CNTN6: variants seen among roughly 807,000 people sequenced by gnomAD.
CNTN6 encodes the protein contactin-6.
CNTN6 carries 137 observed loss-of-function variants against 122.8 expected under a neutral mutation model. The observed-to-expected ratio is 1.12, with a 90% CI of 0.97 to 1.29. The LOEUF is 1.29. CNTN6 is among the 50% of genes most tolerant of loss of function. The pLI, the probability that CNTN6 is intolerant of heterozygous loss-of-function variation, is 0.00. For missense variants in CNTN6, 1,634 were observed against 1,223.4 expected, an observed-to-expected ratio of 1.34 and a Z score of -5.01; for synonymous variants, 570 against 426.0, an observed-to-expected ratio of 1.34 and a Z score of -4.16.
chr3:1,195,766 T>G (rs1462080981), intron 2 of CNTN6, among the ~76,000 whole-genome samples: 1 of 152,228 alleles, frequency 6.6e-6, no homozygotes, highest in African/African-American at 2.4e-5. Flanking sequence ...GTGGTTGACC[T>G]CATTCATTAT....
intron 1 of CNTN6, among the ~76,000 whole-genome samples, chr3:1,102,711 G>A (rs547803849): frequency 6.7e-6 from 1 of 148,744 alleles, no homozygotes; most frequent in East Asian, 2.0e-4. Flanking sequence ...CTGGGCGACA[G>A]GGCGAGACTC....
intron 11 of CNTN6, among the ~76,000 whole-genome samples, chr3:1,336,077 A>C (rs192467659): frequency 2.7e-3 from 414 of 152,026 alleles, no homozygotes; most frequent in Non-Finnish European, 4.0e-3. Context: ...ACAACAACAA[A>C]AAAATCCCTG....
At chr3:1,379,715 AT>A (rs1444110012) in intron 17 of CNTN6, among the ~76,000 whole-genome samples, 1 of 152,122 alleles carries the variant, frequency 6.6e-6, no homozygotes, top group Non-Finnish European at 1.5e-5. Context: ...GGGGGTGGAT[AT>A]CTGATATGCA....
rs184559034 is a variant in CNTN6 at position 1,096,779 on chromosome 3, A to G, written c.-83+3659A>G. ...GATCGGTTTTCTCTGATGTCCCCCA[A>G]AGGTCCATGATTTTTAGTATTTGGC... is the stretch of plus-strand genomic sequence containing the variant. On this transcript the variant is annotated intron_variant, in intron 1 of 22. Transcript: ENST00000446702. Among the ~76,000 whole-genome samples, 236 of 152,230 alleles carry G rather than the reference A, an allele frequency of 1.6e-3. 2 individuals carry two copies. Among genetic ancestry groups the G allele is most frequent in the South Asian group, 8.1e-3 (39 of 4,814 alleles).
intron 20 of CNTN6, among the ~76,000 whole-genome samples, chr3:1,393,689 C>T (rs1401952378): frequency 2.0e-5 from 3 of 150,176 alleles, no homozygotes; most frequent in African/African-American, 4.9e-5. Flanking sequence ...GACTGACAGA[C>T]ATTTTAGTGC....
chr3:1,327,038 A>G (rs1183348142), intron 9 of CNTN6, among the ~76,000 whole-genome samples: 1 of 151,914 alleles, frequency 6.6e-6, no homozygotes, highest in Non-Finnish European at 1.5e-5. Flanking sequence ...AAATTATCAC[A>G]TCATCACATT....
chr3:1,275,335 C>T (rs1019362574), intron 4 of CNTN6, among the ~76,000 whole-genome samples: 10 of 152,170 alleles, frequency 6.6e-5, no homozygotes, highest in South Asian at 6.2e-4. Context: ...ATCCACTTCT[C>T]GATTCATATT....
intron 7 of CNTN6, among the ~76,000 whole-genome samples, chr3:1,320,341 C>T (rs997665500): frequency 3.3e-5 from 5 of 151,574 alleles, no homozygotes; most frequent in African/African-American, 1.2e-4. Flanking sequence ...CCTTGATGTA[C>T]ATAGGAGGAT....
chr3:1,263,537 C>T (rs185067788), intron 4 of CNTN6, among the ~76,000 whole-genome samples: 55 of 152,176 alleles, frequency 3.6e-4, no homozygotes, highest in Non-Finnish European at 7.1e-4. Flanking sequence ...GTTTCCAGGT[C>T]GATCCTAGCC....
intron 1 of CNTN6, among the ~76,000 whole-genome samples, chr3:1,134,081 A>C (rs749143575): frequency 6.6e-6 from 1 of 152,176 alleles, no homozygotes; most frequent in Non-Finnish European, 1.5e-5. Flanking sequence ...ATAATATGGA[A>C]AGACCACTCA....
At chr3:1,121,860 C>G (rs921691477) in intron 1 of CNTN6, among the ~76,000 whole-genome samples, 1 of 151,792 alleles carries the variant, frequency 6.6e-6, no homozygotes, top group Non-Finnish European at 1.5e-5. Flanking sequence ...ATGTGTATTG[C>G]CTTTTCCTTC....
intron 20 of CNTN6, among the ~76,000 whole-genome samples, chr3:1,392,105 C>T (rs1156882306): frequency 6.6e-6 from 1 of 152,204 alleles, no homozygotes; most frequent in African/African-American, 2.4e-5. Flanking sequence ...CAAGTCAATT[C>T]TAAGCCAAAA....
chr3:1,399,675 G>T (rs1368011071), intron 20 of CNTN6, among the ~76,000 whole-genome samples: 1 of 152,044 alleles, frequency 6.6e-6, no homozygotes, highest in Non-Finnish European at 1.5e-5. Flanking sequence ...AATACAGCCT[G>T]AGAAGATCAC....
chr3:1,281,329 A>G (rs1452484461), intron 5 of CNTN6, among the ~76,000 whole-genome samples: 1 of 152,206 alleles, frequency 6.6e-6, no homozygotes, highest in Non-Finnish European at 1.5e-5. Flanking sequence ...GGGCAGACGG[A>G]GTTAACAGAG....
chr3:1,231,425 C>A (rs948348063), intron 4 of CNTN6, among the ~76,000 whole-genome samples: 13 of 152,210 alleles, frequency 8.5e-5, no homozygotes, highest in Non-Finnish European at 1.8e-4. Context: ...CTGTCCATGG[C>A]AGAAACGCTG....
intron 4 of CNTN6, among the ~76,000 whole-genome samples, chr3:1,245,321 T>TG (rs2094566990): frequency 4.6e-5 from 2 of 43,926 alleles, no homozygotes; most frequent in African/African-American, 2.1e-4. Context: ...TATATATATA[T>TG]ATATATATAT....
intron 1 of CNTN6, among the ~76,000 whole-genome samples, chr3:1,114,278 T>G (rs1005305703): frequency 6.6e-6 from 1 of 152,192 alleles, no homozygotes; most frequent in Non-Finnish European, 1.5e-5. Flanking sequence ...TTCACCAGTG[T>G]GGGCCTCTTT....
intron 1 of CNTN6, among the ~76,000 whole-genome samples, chr3:1,135,442 A>G (rs938978445): frequency 2.6e-5 from 4 of 152,150 alleles, no homozygotes; most frequent in Non-Finnish European, 2.9e-5. Flanking sequence ...ACAGAATGGA[A>G]TCAGTGTACA....
At chr3:1,335,843 A>C (rs1422810798) in intron 11 of CNTN6, among the ~76,000 whole-genome samples, 1 of 152,136 alleles carries the variant, frequency 6.6e-6, no homozygotes, top group Non-Finnish European at 1.5e-5. Context: ...AGCCTGGGCA[A>C]CATAGTGAGA....
Sources: gnomAD v4.1 joint callset for allele counts (sites outside exome capture counted in the v4.1 genomes callset) on GRCh38, gnomAD v4.1.1 for gene constraint, MANE v1.5 for transcripts, NCBI Gene and HGNC (gene_info 2026-07-23, HGNC 2026-07-21) for gene names.